FDFT1: variants seen among roughly 807,000 people sequenced by gnomAD.
FDFT1 encodes the protein farnesyl-diphosphate farnesyltransferase 1, also known as squalene synthase.
In FDFT1, 68 loss-of-function variants were observed where a neutral mutation model predicts 46.8. That is an observed-to-expected ratio of 1.45 (90% CI 1.19 to 1.78). The LOEUF is 1.78. FDFT1 is among the 40% of genes most tolerant of loss of function. FDFT1 has a pLI of 0.00. For missense variants in FDFT1, 928 were observed against 524.4 expected (o/e 1.77, Z -7.52); for synonymous variants, 351 against 185.1 (o/e 1.90, Z -7.28).
intron 3 of FDFT1, among the ~76,000 whole-genome samples, chr8:11,820,109 A>G (rs997652423): frequency 9.2e-5 from 14 of 152,160 alleles, no homozygotes; most frequent in East Asian, 1.9e-4. Context: ...CGTCAGCTGC[A>G]GGTCTGTTGG....
intron 7 of FDFT1, among the ~76,000 whole-genome samples, chr8:11,833,029 A>G (rs1258459405): frequency 1.3e-5 from 2 of 152,018 alleles, no homozygotes; most frequent in Non-Finnish European, 2.9e-5. Context: ...CTTCCTCCCT[A>G]CCTTTATCTG....
chr8:11,809,058 G>T (rs1373957794), intron 2 of FDFT1, 167 bp downstream of exon 2: 4 of 1,336,976 alleles, frequency 3.0e-6, no homozygotes, highest in African/African-American at 3.0e-5. Context: ...GCCCTTCCAG[G>T]CTCTTTGCCA....
intron 1 of FDFT1, among the ~76,000 whole-genome samples, chr8:11,807,444 T>G (rs534273735): frequency 6.6e-6 from 1 of 152,164 alleles, no homozygotes; most frequent in African/African-American, 2.4e-5. Context: ...ATTATAGGCG[T>G]GCGCCACTGC....
chr8:11,819,693 A>C (rs1310730300), intron 3 of FDFT1, among the ~76,000 whole-genome samples: 1 of 151,966 alleles, frequency 6.6e-6, no homozygotes, highest in Non-Finnish European at 1.5e-5. Flanking sequence ...TTTCAGCTCC[A>C]TCAGGTCATT....
intron 3 of FDFT1, among the ~76,000 whole-genome samples, chr8:11,815,024 C>A (rs771087574): frequency 1.3e-5 from 2 of 152,144 alleles, no homozygotes; most frequent in Non-Finnish European, 2.9e-5. Flanking sequence ...CCTTGGCCCC[C>A]CACCCCACAA....
At chr8:11,827,671 C>T (rs1037373885) in intron 5 of FDFT1, among the ~76,000 whole-genome samples, 5 of 152,154 alleles carry the variant, frequency 3.3e-5, no homozygotes, top group Non-Finnish European at 5.9e-5. Flanking sequence ...CAAGATAGTT[C>T]ACAGGAAGAG....
chr8:11,802,917 C>G lies in FDFT1; in HGVS notation c.85C>G (p.Pro29Ala), dbSNP rs1443532387. 2 of 1,609,268 alleles carry G rather than the reference C, an allele frequency of 1.2e-6. No homozygotes were observed. Among genetic ancestry groups the G allele is most frequent in the African/African-American group, 1.3e-5 (1 of 74,780 alleles). ...FRIGGKRKVMPKMDQDSLSSS... is the reference protein window; with the variant it reads ...FRIGGKRKVMAKMDQDSLSSS... The stretch of plus-strand genomic sequence containing the variant: ...GATCGGGGGCAAGCGGAAGGTGATG[C>G]CCAAGATGGACCAGGTGGGCCGAGC... Residue 29 changes from proline to alanine, a missense_variant, in exon 1 of 8, where the codon CCC becomes GCC. Pro to Ala is a conservative substitution (Grantham distance 27). Transcript: ENST00000220584.
intron 7 of FDFT1, among the ~76,000 whole-genome samples, chr8:11,837,515 A>T (rs992769831): frequency 3.3e-5 from 5 of 152,204 alleles, no homozygotes; most frequent in Non-Finnish European, 5.9e-5. Flanking sequence ...TCCAAACATG[A>T]GCCACTGTGC....
upstream of FDFT1, among the ~76,000 whole-genome samples, chr8:11,800,010 C>G (rs1805945194): frequency 2.1e-5 from 3 of 144,538 alleles, no homozygotes; most frequent in South Asian, 6.6e-4. Context: ...GCCTGTAATC[C>G]TAGCACTTTG....
chr8:11,808,699 G>A (rs1807244441), intron 1 of FDFT1, 95 bp from the exon 2 acceptor site: 4 of 1,448,008 alleles, frequency 2.8e-6, no homozygotes, highest in South Asian at 2.6e-5. Context: ...CTGTGGAGCC[G>A]CCTGCCCCAG....
At chr8:11,803,136 G>A (rs373509854) in intron 1 of FDFT1, 22 of 1,425,106 alleles carry the variant, frequency 1.5e-5, no homozygotes, top group Middle Eastern at 2.3e-4. Flanking sequence ...CCCTGCCCCC[G>A]CAAGCCGCCC....
chr8:11,797,351 G>C (rs1006654714), upstream of FDFT1, among the ~76,000 whole-genome samples: 3 of 152,186 alleles, frequency 2.0e-5, no homozygotes, highest in African/African-American at 7.2e-5. Flanking sequence ...GGACACCTAA[G>C]TCAGACTGAG....
chr8:11,823,966 G>C (rs1203215838), intron 4 of FDFT1, among the ~76,000 whole-genome samples: 2 of 151,956 alleles, frequency 1.3e-5, no homozygotes, highest in Non-Finnish European at 2.9e-5. Context: ...GGCTGGTCTT[G>C]AGCTCCTGGG....
At chr8:11,802,627 C>T (rs17524895), upstream of FDFT1, 23,016 of 592,830 alleles carry the variant, frequency 0.039, 1,666 homozygotes, top group East Asian at 0.27. Context: ...CGCCCGTCAG[C>T]CCACCCCACG....
Position 11,838,755 on chromosome 8 carries a change from A to G in FDFT1, c.*146A>G. 1.4e-6 allele frequency: 1 copy of G among 690,122 alleles called. No homozygotes were observed. The highest frequency in any genetic ancestry group is 2.5e-6 in the Non-Finnish European group (1 of 398,534). 42.7% of individuals were successfully genotyped at this position (690,122 alleles called of 1,614,324 possible). On this transcript the variant is annotated 3_prime_UTR_variant, in exon 8 of 8. Transcript: ENST00000220584. The stretch of plus-strand genomic sequence containing the variant: ...TGGCTGGGACCTTTAGGAAAGTGAA[A>G]TGCAGGTGAGAAGAACCTAAACATG...
At chr8:11,812,543 G>C (rs936843016) in intron 3 of FDFT1, among the ~76,000 whole-genome samples, 12 of 152,206 alleles carry the variant, frequency 7.9e-5, no homozygotes, top group African/African-American at 2.7e-4. Context: ...AAAACTCTGA[G>C]GGACTAAGAA....
intron 3 of FDFT1, among the ~76,000 whole-genome samples, chr8:11,813,937 C>A (rs1808085975): frequency 6.6e-6 from 1 of 152,128 alleles, no homozygotes; most frequent in South Asian, 2.1e-4. Flanking sequence ...AAACGTGGAC[C>A]CCTTCATTGT....
At chr8:11,798,448 G>C (rs1212792879), upstream of FDFT1, among the ~76,000 whole-genome samples, 1 of 151,476 alleles carries the variant, frequency 6.6e-6, no homozygotes, top group African/African-American at 2.4e-5. Context: ...AAGAAGATGT[G>C]GCTTAAACCA....
intron 1 of FDFT1, chr8:11,803,802 C>T: frequency 6.2e-6 from 1 of 161,726 alleles, no homozygotes; most frequent in East Asian, 1.8e-4. Flanking sequence ...AGTAAACACA[C>T]TAGAAAATAA....
Sources: allele counts gnomAD v4.1 joint callset (sites outside exome capture counted in the v4.1 genomes callset), GRCh38; gene constraint gnomAD v4.1.1; transcripts MANE v1.5; gene names NCBI Gene and HGNC (gene_info 2026-07-23, HGNC 2026-07-21).